MAGI1: variants seen among roughly 807,000 people sequenced by gnomAD.
MAGI1 encodes the protein membrane-associated guanylate kinase, WW and PDZ domain-containing protein 1.
Under a neutral mutation model 139.9 loss-of-function variants are expected in MAGI1, and 58 were observed. The ratio of observed to expected loss-of-function variants is 0.41; its 90% CI spans 0.34 to 0.52. MAGI1 has a LOEUF of 0.52. Ranked by LOEUF, MAGI1 falls within the 20% of genes least tolerant of loss-of-function variation. The pLI, the probability that MAGI1 is intolerant of heterozygous loss-of-function variation, is 0.12. For missense variants in MAGI1, 1,874 were observed against 1,901.6 expected (o/e 0.99, Z 0.27); for synonymous variants, 812 against 737.9 (o/e 1.10, Z -1.63).
chr3:65,909,593 G>C (rs1358466841), intron 1 of MAGI1, among the ~76,000 whole-genome samples: 1 of 152,132 alleles, frequency 6.6e-6, no homozygotes, highest in Non-Finnish European at 1.5e-5. Flanking sequence ...CTATTCAGGA[G>C]GCTGATGCAG....
chr3:65,493,433 A>G (rs1426137122), intron 3 of MAGI1, 79 bp downstream of exon 3: 1 of 1,577,590 alleles, frequency 6.3e-7, no homozygotes, highest in African/African-American at 1.4e-5. Flanking sequence ...ATTCCACAAA[A>G]CATTTTTGCC....
At chr3:65,465,248 AAAG>A (rs1326782719) in intron 5 of MAGI1, among the ~76,000 whole-genome samples, 1 of 151,454 alleles carries the variant, frequency 6.6e-6, no homozygotes, top group Non-Finnish European at 1.5e-5. Context: ...AAATGGGAAA[AAAG>A]AAAACTCAAA....
At chr3:65,908,913 T>C (rs1239148134) in intron 1 of MAGI1, among the ~76,000 whole-genome samples, 6 of 152,224 alleles carry the variant, frequency 3.9e-5, no homozygotes, top group Admixed American at 1.3e-4. Context: ...ATTCTCAGCA[T>C]GTAATGCTGA....
At chr3:65,816,282 CA>C (rs548772149) in intron 1 of MAGI1, among the ~76,000 whole-genome samples, 12 of 142,434 alleles carry the variant, frequency 8.4e-5, no homozygotes, top group South Asian at 2.3e-4. Flanking sequence ...CAGGACTATC[CA>C]AAAAAAAAAC....
intron 2 of MAGI1, among the ~76,000 whole-genome samples, chr3:65,571,545 T>C (rs1159999349): frequency 6.6e-6 from 1 of 152,112 alleles, no homozygotes; most frequent in African/African-American, 2.4e-5. Flanking sequence ...TAATGATTAC[T>C]AGAATATACC....
chr3:65,922,679 C>A (rs557453116), intron 1 of MAGI1, among the ~76,000 whole-genome samples: 3 of 152,264 alleles, frequency 2.0e-5, no homozygotes, highest in African/African-American at 7.2e-5. Context: ...TTTATTACAG[C>A]AGCCCAGGGA....
At chr3:65,590,146 C>T (rs1346068342) in intron 2 of MAGI1, among the ~76,000 whole-genome samples, 1 of 152,136 alleles carries the variant, frequency 6.6e-6, no homozygotes, top group Non-Finnish European at 1.5e-5. Context: ...CTTCCCTGAC[C>T]TGAATTCTAG....
chr3:66,029,066 A>G (rs1356812816), intron 1 of MAGI1, among the ~76,000 whole-genome samples: 1 of 151,802 alleles, frequency 6.6e-6, no homozygotes, highest in African/African-American at 2.4e-5. Context: ...TATTATCCCC[A>G]TTTTCCGAGG....
chr3:65,737,727 A>T (rs12107816), intron 1 of MAGI1, among the ~76,000 whole-genome samples: 6,063 of 152,272 alleles, frequency 0.04, 425 homozygotes, highest in African/African-American at 0.14. Context: ...GTCAAATTAC[A>T]ACCAATGAAA....
chr3:65,807,673 T>TCTTTACTTCCACACAAGCAAGGTTTCAAA (rs2040949803), intron 1 of MAGI1, among the ~76,000 whole-genome samples: 1 of 152,114 alleles, frequency 6.6e-6, no homozygotes, highest in Non-Finnish European at 1.5e-5. Context: ...CAGAAGTAAA[T>TCTTTACTTCCACACAAGCAAGGTTTCAAA]GGAGAACACA....
At chr3:65,828,138 A>G (rs1182257038) in intron 1 of MAGI1, among the ~76,000 whole-genome samples, 1 of 152,240 alleles carries the variant, frequency 6.6e-6, no homozygotes, top group Non-Finnish European at 1.5e-5. Context: ...AATCAGCTTA[A>G]GGGAGGCTTG....
At chr3:65,991,923 G>A (rs975653655) in intron 1 of MAGI1, among the ~76,000 whole-genome samples, 4 of 152,156 alleles carry the variant, frequency 2.6e-5, no homozygotes, top group African/African-American at 7.2e-5. Flanking sequence ...GCTGAGGCAG[G>A]AGAATTGCCT....
Position 65,997,625 on chromosome 3 carries a change from C to T in MAGI1, c.313+40371G>A, listed in dbSNP as rs866115054. Among the ~76,000 whole-genome samples, 5 of 152,162 alleles carry T rather than the reference C, an allele frequency of 3.3e-5. No homozygotes were observed. In the South Asian group the frequency reaches 1.0e-3, roughly 32 times the overall value. On this transcript the variant is annotated intron_variant, in intron 1 of 22. Coordinates refer to ENST00000402939, the MANE Select transcript of MAGI1 (RefSeq NM_001033057.2). The stretch of plus-strand genomic sequence containing the variant: ...GAGCCGAGATCGCGCCACTGCACTC[C>T]AGCCTGGGCGACAGAGCAAGACTCC...
intron 2 of MAGI1, among the ~76,000 whole-genome samples, chr3:65,544,607 C>T (rs544449226): frequency 1.3e-5 from 2 of 152,264 alleles, no homozygotes; most frequent in Middle Eastern, 6.8e-3. Flanking sequence ...GCAGCAGTCA[C>T]TCATACCAGC....
At chr3:65,730,563 T>A (rs1247559348) in intron 1 of MAGI1, among the ~76,000 whole-genome samples, 1 of 152,190 alleles carries the variant, frequency 6.6e-6, no homozygotes. Context: ...CAGAATGGAC[T>A]GACGAGACTG....
intron 1 of MAGI1, among the ~76,000 whole-genome samples, chr3:65,667,109 G>T (rs1226388466): frequency 6.6e-5 from 10 of 152,066 alleles, no homozygotes; most frequent in Admixed American, 5.9e-4. Flanking sequence ...GAGGAAAAAA[G>T]GTGTTCAAAT....
intron 1 of MAGI1, among the ~76,000 whole-genome samples, chr3:65,915,201 A>C (rs537382913): frequency 1.5e-4 from 23 of 152,192 alleles, no homozygotes; most frequent in Non-Finnish European, 2.6e-4. Context: ...GTGCCATCTC[A>C]TGGTAATGCT....
At chr3:65,623,673 G>A (rs1186146923) in intron 1 of MAGI1, among the ~76,000 whole-genome samples, 1 of 152,152 alleles carries the variant, frequency 6.6e-6, no homozygotes, top group African/African-American at 2.4e-5. Flanking sequence ...TAAATCATGA[G>A]GATGACAGTG....
intron 4 of MAGI1, among the ~76,000 whole-genome samples, chr3:65,478,136 A>G (rs9825086): frequency 0.011 from 1,660 of 152,264 alleles, 33 homozygotes; most frequent in African/African-American, 0.038. Flanking sequence ...TTTCAAAGAT[A>G]TAAGAGGATG....
Sources: gnomAD v4.1 joint callset for allele counts (sites outside exome capture counted in the v4.1 genomes callset) on GRCh38, gnomAD v4.1.1 for gene constraint, MANE v1.5 for transcripts, NCBI Gene and HGNC (gene_info 2026-07-23, HGNC 2026-07-21) for gene names.